Variants in NDRG4 observed in about 807,000 individuals in gnomAD.
NDRG4 encodes the protein protein NDRG4.
A neutral mutation model predicts 55.8 loss-of-function variants in NDRG4; 38 were observed. The observed-to-expected ratio is 0.68, with a 90% CI of 0.53 to 0.89. The LOEUF (loss-of-function observed/expected upper bound fraction) is 0.89, where lower values mean the gene tolerates loss of function less well. Ranked by LOEUF, NDRG4 falls within the 40% of genes least tolerant of loss-of-function variation. The pLI is 0.00. For missense variants in NDRG4, 455 were observed against 468.6 expected, an observed-to-expected ratio of 0.97 and a Z score of 0.27; for synonymous variants, 190 against 182.7, an observed-to-expected ratio of 1.04 and a Z score of -0.32.
In NDRG4 at chr16:58,506,608, C is replaced by A; in HGVS notation, c.510C>A (p.Phe170Leu). 6.4e-7 allele frequency: 1 copy of A among 1,556,580 alleles called. No individual in the cohort carries two copies. The highest frequency in any genetic ancestry group is 1.4e-5 in the African/African-American group (1 of 72,994). The change falls in exon 7 of 15, where the codon TTC (phenylalanine) becomes TTA (leucine). Residue 170 changes from phenylalanine (F) to leucine (L), a missense_variant. Coordinates refer to ENST00000570248, the MANE Select transcript of NDRG4 (RefSeq NM_001242835.2). Reference protein sequence around the residue: ...TLPDTVLSHLFSQEELVNNTE... With the variant: ...TLPDTVLSHLLSQEELVNNTE... ...CCGACACGGTGCTCTCCCACCTCTTCAGCCAGGTAAGGGGGGGAACTTCTG... is the reference window on the plus strand; with the variant it reads ...CCGACACGGTGCTCTCCCACCTCTTAAGCCAGGTAAGGGGGGGAACTTCTG...
At chr16:58,489,963 G>C (rs895458367) in intron 2 of NDRG4, among the ~76,000 whole-genome samples, 2 of 152,020 alleles carry the variant, frequency 1.3e-5, no homozygotes, top group African/African-American at 4.8e-5. Context: ...TCCTGCCTCA[G>C]CCTCCCGAGT....
chr16:58,485,894 G>A lies in NDRG4; in HGVS notation c.-23-1862G>A, dbSNP rs189467744. Among the ~76,000 whole-genome samples the A allele has an allele frequency of 1.3e-3, 200 of 152,066 alleles. 4 individuals carry two copies. The highest frequency in any genetic ancestry group is 9.0e-3 in the Admixed American group (138 of 15,260). On this transcript the variant is annotated intron_variant, in intron 1 of 15. Transcript: ENST00000258187. Reference sequence around the variant, plus strand: ...ACATTTTCTTCCAATTTTTTTCTGTGTTATAAATGGCACTGTGGTAAGAAT... The same window carrying A: ...ACATTTTCTTCCAATTTTTTTCTGTATTATAAATGGCACTGTGGTAAGAAT...
chr16:58,480,635 G>A (rs781676301), intron 1 of NDRG4, among the ~76,000 whole-genome samples: 3 of 152,194 alleles, frequency 2.0e-5, no homozygotes, highest in Non-Finnish European at 2.9e-5. Context: ...CAGGTCAGCC[G>A]TGGAGATTTC....
Position 58,506,549 on chromosome 16 carries a change from T to C in NDRG4, c.460-9T>C. Reference sequence around the variant, plus strand: ...GGCGGCACTCACGCTGGCGCCCTGCTCCCTGCAGCTCTCCGGCCTAACTAG... The same window carrying C: ...GGCGGCACTCACGCTGGCGCCCTGCCCCCTGCAGCTCTCCGGCCTAACTAG... On this transcript the variant is annotated splice_polypyrimidine_tract_variant and intron_variant, in intron 6 of 14. Transcript: ENST00000570248. 1 of 1,598,014 alleles carries C rather than the reference T, an allele frequency of 6.3e-7. No individual in the cohort carries two copies. The highest frequency in any genetic ancestry group is 8.5e-7 in the Non-Finnish European group (1 of 1,174,002).
chr16:58,488,258 G>A (rs1317503287), intron 2 of NDRG4, among the ~76,000 whole-genome samples: 2 of 152,146 alleles, frequency 1.3e-5, no homozygotes, highest in Non-Finnish European at 2.9e-5. Flanking sequence ...TTCCTTATCT[G>A]CCTCCCAAGC....
chr16:58,487,895 A>G, intron 2 of NDRG4: 1 of 1,425,664 alleles, frequency 7.0e-7, no homozygotes, highest in Non-Finnish European at 9.4e-7. Context: ...CGAGCGCGCC[A>G]CCTCGTGGCC....
At chr16:58,473,497 G>A (rs72790229) in intron 1 of NDRG4, among the ~76,000 whole-genome samples, 43,171 of 151,818 alleles carry the variant, frequency 0.28, 6,412 homozygotes, top group Non-Finnish European at 0.33. Flanking sequence ...CTGCCCACGG[G>A]GAGCTCCACC....
chr16:58,505,298 G>A (rs559668539), intron 5 of NDRG4, among the ~76,000 whole-genome samples: 1 of 151,758 alleles, frequency 6.6e-6, no homozygotes, highest in East Asian at 1.9e-4. Flanking sequence ...GCAGTGAGCT[G>A]AGATCGCGCC....
At chr16:58,500,090 A>G (rs1294127769), upstream of NDRG4, 2 of 1,507,248 alleles carry the variant, frequency 1.3e-6, no homozygotes, top group Non-Finnish European at 1.8e-6. Flanking sequence ...AGGAGGGGCT[A>G]GCTAGGCTGG....
chr16:58,495,931 G>T (rs527313688), upstream of NDRG4, among the ~76,000 whole-genome samples: 1 of 152,304 alleles, frequency 6.6e-6, no homozygotes, highest in African/African-American at 2.4e-5. Flanking sequence ...GGAGGGAAGT[G>T]GTCGGGAGCT....
Position 58,513,144 on chromosome 16 carries a change from T to TATC in NDRG4, c.*1569_*1571dup, listed in dbSNP as rs903125061. Reference sequence around the variant, plus strand: ...TTTTGTTTTTTGCTGTTTCCAGATGTATCTATAAATATCTATACATTATAT... The same window carrying TATC: ...TTTTGTTTTTTGCTGTTTCCAGATGTATCATCTATAAATATCTATACATTATAT... On this transcript the variant is annotated 3_prime_UTR_variant, in exon 15 of 15. Coordinates refer to ENST00000570248, the MANE Select transcript of NDRG4 (RefSeq NM_001242835.2). The TATC allele has an allele frequency of 9.8e-5, 14 of 142,458 alleles. No homozygotes were observed. Among genetic ancestry groups the TATC allele is most frequent in the African/African-American group, 3.7e-4 (14 of 37,834 alleles). 8.8% of individuals were successfully genotyped at this position (142,458 alleles called of 1,614,324 possible). A position where few individuals can be genotyped will look rare whatever the true frequency, so the allele number is the denominator to read the frequency against.
At chr16:58,500,960 G>A (rs1330038594) in intron 1 of NDRG4, 6 of 1,230,800 alleles carry the variant, frequency 4.9e-6, no homozygotes, top group East Asian at 3.2e-5. Flanking sequence ...GGAACGAGGA[G>A]GGGTTGCCTG....
intron 1 of NDRG4, among the ~76,000 whole-genome samples, chr16:58,466,607 A>C (rs2031737182): frequency 6.6e-6 from 1 of 152,212 alleles, no homozygotes; most frequent in African/African-American, 2.4e-5. Flanking sequence ...CATCAGTCAC[A>C]GGCTCCGCCC....
upstream of NDRG4, chr16:58,499,826 G>A (rs1597262150): frequency 5.8e-6 from 2 of 347,468 alleles, no homozygotes; most frequent in East Asian, 1.6e-4. Flanking sequence ...GGGTGAGTCT[G>A]TACGTGTGGT....
At chr16:58,467,857 G>A (rs897334207) in intron 1 of NDRG4, among the ~76,000 whole-genome samples, 3 of 152,230 alleles carry the variant, frequency 2.0e-5, no homozygotes, top group Non-Finnish European at 2.9e-5. Context: ...TGGAGCTGGC[G>A]TCCTCAGGCC....
intron 1 of NDRG4, among the ~76,000 whole-genome samples, chr16:58,469,294 G>A (rs1471432480): frequency 1.3e-5 from 2 of 152,076 alleles, no homozygotes; most frequent in Non-Finnish European, 2.9e-5. Context: ...TGATGTTGAT[G>A]TGGGGGCACG....
rs1303950726 is a variant in NDRG4, at chr16:58,504,174, T to A, written c.148T>A (p.Phe50Ile). 1 of 1,614,086 alleles carries A rather than the reference T, an allele frequency of 6.2e-7. No individual in the cohort carries two copies. The highest frequency in any genetic ancestry group is 8.5e-7 in the Non-Finnish European group (1 of 1,180,048). Residue 50 changes from phenylalanine to isoleucine, a missense_variant, in exon 3 of 15, where the codon TTC becomes ATC. By Grantham distance (21) the Phe-to-Ile change is conservative (BLOSUM62 0). Coordinates refer to ENST00000570248, the MANE Select transcript of NDRG4 (RefSeq NM_001242835.2). ...GLNHKLCFNTFFNFEDMQEIT... is the reference protein window; with the variant it reads ...GLNHKLCFNTIFNFEDMQEIT... ...TGCAGACAAACTATGCTTCAACACC[T>A]TCTTCAACTTCGAGGACATGCAGGA...
chr16:58,500,379 C>G, intron 1 of NDRG4, 110 bp downstream of exon 1: 1 of 1,403,912 alleles, frequency 7.1e-7, no homozygotes, highest in East Asian at 2.5e-5. Context: ...GGCAGCCCGG[C>G]CTTCAAATAG....
chr16:58,485,431 G>T (rs1232771442), intron 1 of NDRG4, among the ~76,000 whole-genome samples: 1 of 152,184 alleles, frequency 6.6e-6, no homozygotes, highest in Non-Finnish European at 1.5e-5. Context: ...CCTTGGGGAG[G>T]ATGGTGTCCA....
Sources: gnomAD v4.1 joint callset for allele counts (sites outside exome capture counted in the v4.1 genomes callset) on GRCh38, gnomAD v4.1.1 for gene constraint, MANE v1.5 for transcripts, NCBI Gene and HGNC (gene_info 2026-07-23, HGNC 2026-07-21) for gene names.